TAS2R1: variants seen among roughly 807,000 people sequenced by gnomAD.
TAS2R1 encodes the protein taste 2 receptor member 1, also known as taste receptor type 2 member 1.
For synonymous variants in TAS2R1, 141 were observed against 134.2 expected (o/e 1.05, Z -0.35); for missense variants, 370 against 353.4 (o/e 1.05, Z -0.38).
At chr5:9,856,230 C>T in the TAS2R1 span, among the ~76,000 whole-genome samples, 1 of 152,074 alleles carries the variant, frequency 6.6e-6, no homozygotes, top group African/African-American at 2.4e-5. Context: ...GCACAAGAAA[C>T]TTACTCTACT....
chr5:9,843,161 T>C, the TAS2R1 span, among the ~76,000 whole-genome samples: 1 of 152,202 alleles, frequency 6.6e-6, no homozygotes, highest in Non-Finnish European at 1.5e-5. Context: ...CACAGAATGT[T>C]GGCTCACCTC....
At chr5:9,732,539 C>T in the TAS2R1 span, among the ~76,000 whole-genome samples, 2 of 152,148 alleles carry the variant, frequency 1.3e-5, no homozygotes, top group South Asian at 2.1e-4. Flanking sequence ...GAGGCATAGA[C>T]AGGAGGCCAG....
intron 1 of TAS2R1, among the ~76,000 whole-genome samples, chr5:9,666,603 G>C (rs1740636815): frequency 6.6e-6 from 1 of 152,088 alleles, no homozygotes; most frequent in Non-Finnish European, 1.5e-5. Context: ...CAGTGAGTAA[G>C]AGTAGGAAAA....
the TAS2R1 span, among the ~76,000 whole-genome samples, chr5:9,803,871 G>T: frequency 6.6e-6 from 1 of 152,122 alleles, no homozygotes. Flanking sequence ...ATGATGAGTA[G>T]AATAGTACCT....
intron 1 of TAS2R1, among the ~76,000 whole-genome samples, chr5:9,695,590 G>A (rs1014562442): frequency 5.9e-5 from 9 of 152,134 alleles, no homozygotes; most frequent in Non-Finnish European, 1.0e-4. Flanking sequence ...GGGTGCACTG[G>A]GGGTGGGAGT....
chr5:9,630,140 G>T lies in TAS2R1; in HGVS notation c.-108C>A. On this transcript the variant is annotated 5_prime_UTR_variant, in exon 1 of 1. Transcript: ENST00000382492. The stretch of plus-strand genomic sequence containing the variant: ...AGATCAGGACTCCTCTGGGGAAGAA[G>T]ACTAACAATAAAGGCATGGGGCAGG... The T allele has an allele frequency of 1.1e-6, 1 of 930,768 alleles. No homozygotes were observed. The highest frequency in any genetic ancestry group is 1.6e-6 in the Non-Finnish European group (1 of 640,998). 57.7% of individuals were successfully genotyped at this position (930,768 alleles called of 1,614,324 possible). A position where few individuals can be genotyped will look rare whatever the true frequency, so the allele number is the denominator to read the frequency against.
upstream of TAS2R1, among the ~76,000 whole-genome samples, chr5:9,633,310 A>ATATATATATATATATATATATATATAT (rs1739909292): frequency 7.4e-6 from 1 of 135,836 alleles, no homozygotes; most frequent in African/African-American, 3.1e-5. Flanking sequence ...ATATATATAT[A>ATATATATATATATATATATATATATAT]TATATATATA....
chr5:9,629,521 GT>G (rs1372964469), downstream of TAS2R1: 1 of 1,613,984 alleles, frequency 6.2e-7, no homozygotes, highest in African/African-American at 1.3e-5. Context: ...TATAGCCAGT[GT>G]ATCTTCTTTT....
At chr5:9,794,086 TA>T in the TAS2R1 span, among the ~76,000 whole-genome samples, 1 of 152,168 alleles carries the variant, frequency 6.6e-6, no homozygotes, top group South Asian at 2.1e-4. Flanking sequence ...CAGGATTTTT[TA>T]AAATCTTGTA....
intron 1 of TAS2R1, among the ~76,000 whole-genome samples, chr5:9,673,521 TACTC>T (rs1404713542): frequency 1.3e-5 from 2 of 152,084 alleles, no homozygotes; most frequent in East Asian, 1.9e-4. Flanking sequence ...CTTTAAACCC[TACTC>T]ACTATTTTTT....
In TAS2R1 at chr5:9,628,130, A is replaced by ATCTG. The variant is rs2126471312; in HGVS notation, c.*1002_*1003insCAGA. ...ACAAGTATATCTATCTCCATAATTT[A>ATCTG]TCTATCTATCTATCTATCTATCTAT... On this transcript the variant is annotated 3_prime_UTR_variant, in exon 1 of 1. Transcript: ENST00000382492. Among the ~76,000 whole-genome samples, 1 of 56,048 alleles carries ATCTG rather than the reference A, an allele frequency of 1.8e-5. No individual in the cohort carries two copies. The highest frequency in any genetic ancestry group is 4.4e-5 in the Non-Finnish European group (1 of 22,988). The allele number at this position is 56,048 out of a possible 152,430, so 36.8% of individuals were successfully genotyped here.
At chr5:9,712,622 C>T (rs549351590), upstream of TAS2R1, among the ~76,000 whole-genome samples, 12 of 152,322 alleles carry the variant, frequency 7.9e-5, no homozygotes, top group South Asian at 1.9e-3. Flanking sequence ...CAGACTACAA[C>T]ACCAACTCAT....
At chr5:9,807,357 C>T in the TAS2R1 span, among the ~76,000 whole-genome samples, 62 of 152,160 alleles carry the variant, frequency 4.1e-4, no homozygotes, top group African/African-American at 6.3e-4. Flanking sequence ...CTTCAAAGAA[C>T]GAAAAGTATA....
chr5:9,902,967 T>G, the TAS2R1 span, among the ~76,000 whole-genome samples: 1 of 151,972 alleles, frequency 6.6e-6, no homozygotes, highest in Admixed American at 6.6e-5. Context: ...TGTGTGAGTA[T>G]GTAGTAAGTG....
At chr5:9,833,236 T>C in the TAS2R1 span, among the ~76,000 whole-genome samples, 2 of 152,328 alleles carry the variant, frequency 1.3e-5, no homozygotes, top group South Asian at 2.1e-4. Context: ...TAAGGAATTT[T>C]CTTGTAGGCA....
At chr5:9,671,705 C>T (rs760916961) in intron 1 of TAS2R1, among the ~76,000 whole-genome samples, 1 of 152,030 alleles carries the variant, frequency 6.6e-6, no homozygotes, top group Non-Finnish European at 1.5e-5. Context: ...ACTAAAATGG[C>T]CATATTGCCC....
At chr5:9,701,882 T>A (rs1339605497) in intron 1 of TAS2R1, among the ~76,000 whole-genome samples, 7 of 152,228 alleles carry the variant, frequency 4.6e-5, no homozygotes, top group Non-Finnish European at 7.3e-5. Flanking sequence ...AATCCTTTTT[T>A]TTAGAATGAA....
the TAS2R1 span, among the ~76,000 whole-genome samples, chr5:9,766,829 A>G: frequency 1.3e-4 from 20 of 152,180 alleles, no homozygotes; most frequent in Non-Finnish European, 5.9e-5. Context: ...AGAGGGAGGG[A>G]GGTGTGACTC....
intron 1 of TAS2R1, among the ~76,000 whole-genome samples, chr5:9,677,105 G>A (rs1740892736): frequency 6.6e-6 from 1 of 152,148 alleles, no homozygotes; most frequent in Admixed American, 6.6e-5. Flanking sequence ...GTACTTTGTG[G>A]GAACACGGAT....
Sources: allele counts gnomAD v4.1 joint callset (sites outside exome capture counted in the v4.1 genomes callset), GRCh38; gene constraint gnomAD v4.1.1; transcripts MANE v1.5; gene names NCBI Gene and HGNC (gene_info 2026-07-23, HGNC 2026-07-21).